PSD3: variants seen among roughly 807,000 people sequenced by gnomAD.
PSD3 encodes the protein PH and SEC7 domain-containing protein 3.
PSD3 carries 49 observed loss-of-function variants against 105.5 expected under a neutral mutation model. That is an observed-to-expected ratio of 0.46 (90% CI 0.37 to 0.59). The LOEUF (loss-of-function observed/expected upper bound fraction) is 0.59. Among genes scored for constraint, PSD3 ranks in the 20% least tolerant of loss-of-function variants. PSD3 has a pLI of 0.00. For synonymous variants in PSD3, 557 were observed against 457.8 expected (o/e 1.22, Z -2.77); for missense variants, 1,561 against 1,263.8 (o/e 1.24, Z -3.57).
chr8:18,788,763 C>A (rs1809425376), intron 8 of PSD3, among the ~76,000 whole-genome samples: 1 of 152,104 alleles, frequency 6.6e-6, no homozygotes, highest in African/African-American at 2.4e-5. Context: ...CAACATGTTA[C>A]AATAAATGGT....
chr8:18,890,451 C>A (rs562053972), intron 2 of PSD3, among the ~76,000 whole-genome samples: 17 of 151,950 alleles, frequency 1.1e-4, no homozygotes, highest in Admixed American at 9.8e-4. Flanking sequence ...CCAAGTGAGC[C>A]GAGAGGAGAG....
intron 9 of PSD3, among the ~76,000 whole-genome samples, chr8:18,671,695 G>C (rs945099058): frequency 2.0e-5 from 3 of 151,502 alleles, no homozygotes; most frequent in East Asian, 1.9e-4. Flanking sequence ...GGCAGTGCGC[G>C]ATCTCCGCTC....
intron 9 of PSD3, among the ~76,000 whole-genome samples, chr8:18,671,789 G>T (rs896366417): frequency 6.6e-5 from 10 of 151,978 alleles, no homozygotes; most frequent in Non-Finnish European, 1.3e-4. Context: ...CCGCCATGAC[G>T]TCCGGCTAAT....
At chr8:18,958,124 T>C (rs1461454093) in intron 1 of PSD3, among the ~76,000 whole-genome samples, 1 of 152,146 alleles carries the variant, frequency 6.6e-6, no homozygotes, top group African/African-American at 2.4e-5. Flanking sequence ...GCCTGGCTAA[T>C]ATACAAAAAT....
intron 11 of PSD3, among the ~76,000 whole-genome samples, chr8:18,603,706 C>T (rs1329988924): frequency 6.6e-6 from 1 of 152,128 alleles, no homozygotes; most frequent in Non-Finnish European, 1.5e-5. Context: ...TGGGTGGTTT[C>T]TCATGAATGG....
chr8:18,777,894 C>A (rs1273542070), intron 8 of PSD3, among the ~76,000 whole-genome samples: 1 of 152,114 alleles, frequency 6.6e-6, no homozygotes, highest in South Asian at 2.1e-4. Context: ...GGAGAGCATA[C>A]AATATGTGTC....
At chr8:18,633,397 C>T (rs1326024726) in intron 10 of PSD3, among the ~76,000 whole-genome samples, 1 of 152,046 alleles carries the variant, frequency 6.6e-6, no homozygotes, top group East Asian at 1.9e-4. Flanking sequence ...TGGCATGTGA[C>T]AGCTGCTACT....
chr8:18,693,834 T>C (rs1327087328), intron 9 of PSD3, among the ~76,000 whole-genome samples: 1 of 152,220 alleles, frequency 6.6e-6, no homozygotes, highest in Non-Finnish European at 1.5e-5. Context: ...AGATTCCTTT[T>C]TACTCTTAAG....
chr8:18,871,668 T>A lies in PSD3; in HGVS notation c.1196A>T (p.Gln399Leu). The A allele has an allele frequency of 6.2e-7, 1 of 1,613,246 alleles. No individual in the cohort carries two copies. Among genetic ancestry groups the A allele is most frequent in the African/African-American group, 1.3e-5 (1 of 75,020 alleles). ...EDEVFLQENK[Q>L]HLEKTPKPER... ...TGGTTTAGGTGTCTTCTCAAGATGC[T>A]GTTTGTTTTCCTGTAGGAAGACTTC... is the stretch of plus-strand genomic sequence containing the variant. Residue 399 changes from glutamine (Q) to leucine (L), a missense_variant, in exon 3 of 16, where the codon CAG (glutamine) becomes CTG (leucine). By Grantham distance (113) the Gln-to-Leu change is moderately radical (BLOSUM62 -2). Coordinates refer to ENST00000327040, the MANE Select transcript of PSD3 (RefSeq NM_015310.4).
In PSD3 at chr8:18,618,399, C is replaced by T. The variant is rs113885329; in HGVS notation, c.2410+14214G>A. Among the ~76,000 whole-genome samples the T allele has an allele frequency of 9.8e-3, 1,491 of 151,542 alleles. 36 individuals carry two copies. The highest frequency in any genetic ancestry group is 0.033 in the African/African-American group (1,372 of 41,500). On this transcript the variant is annotated intron_variant, in intron 11 of 15. Transcript: ENST00000327040. ...GAGGCTACGTCATGGGCCATGGTCACTTGTATCTGGCTCAGAATAAGCCTC... is the reference window on the plus strand; with the variant it reads ...GAGGCTACGTCATGGGCCATGGTCATTTGTATCTGGCTCAGAATAAGCCTC...
intron 4 of PSD3, among the ~76,000 whole-genome samples, chr8:18,851,603 C>T (rs748092739): frequency 8.5e-5 from 13 of 152,218 alleles, no homozygotes; most frequent in Admixed American, 3.9e-4. Context: ...CAAGCACATT[C>T]GGCTCTTGGT....
chr8:18,618,692 T>G (rs1014529223), intron 11 of PSD3, among the ~76,000 whole-genome samples: 1 of 151,986 alleles, frequency 6.6e-6, no homozygotes, highest in African/African-American at 2.4e-5. Flanking sequence ...TTTTTTTTTC[T>G]AATGGGATAT....
intron 2 of PSD3, among the ~76,000 whole-genome samples, chr8:18,922,863 G>A (rs1436533734): frequency 6.6e-6 from 1 of 152,158 alleles, no homozygotes; most frequent in Non-Finnish European, 1.5e-5. Flanking sequence ...GGCAAGGCAT[G>A]TGGGAGGGGG....
intron 11 of PSD3, among the ~76,000 whole-genome samples, chr8:18,610,330 C>T (rs1805162973): frequency 6.6e-6 from 1 of 152,182 alleles, no homozygotes; most frequent in South Asian, 2.1e-4. Context: ...GAGTCTTGGC[C>T]AATCCCAGTG....
chr8:18,862,892 CAAA>C (rs763451398), intron 4 of PSD3, among the ~76,000 whole-genome samples: 12 of 79,490 alleles, frequency 1.5e-4, no homozygotes, highest in Admixed American at 2.8e-4. Context: ...AAGAGCAAGG[CAAA>C]AAAAAAAAAA....
At chr8:18,701,148 T>TC (rs397710384) in intron 9 of PSD3, among the ~76,000 whole-genome samples, 5 of 150,486 alleles carry the variant, frequency 3.3e-5, no homozygotes, top group South Asian at 2.1e-4. Context: ...TTTTTTTTTT[T>TC]CTGTAGAGAC....
intron 4 of PSD3, among the ~76,000 whole-genome samples, chr8:18,847,113 G>C (rs1293399831): frequency 2.0e-5 from 3 of 152,078 alleles, no homozygotes; most frequent in African/African-American, 7.2e-5. Context: ...TTTCACTTCC[G>C]CTGCTGAGGC....
chr8:18,839,715 G>C (rs188219237), intron 4 of PSD3, among the ~76,000 whole-genome samples: 6 of 152,064 alleles, frequency 3.9e-5, no homozygotes, highest in Non-Finnish European at 7.3e-5. Flanking sequence ...TCAACTCCAC[G>C]TGGAACTCAA....
chr8:18,806,290 T>C (rs906484905), intron 4 of PSD3, among the ~76,000 whole-genome samples: 11 of 152,190 alleles, frequency 7.2e-5, no homozygotes, highest in African/African-American at 2.2e-4. Flanking sequence ...AAAACAAAAA[T>C]AGTGTTATAA....
Sources: gnomAD v4.1 joint callset for allele counts (sites outside exome capture counted in the v4.1 genomes callset) on GRCh38, gnomAD v4.1.1 for gene constraint, MANE v1.5 for transcripts, NCBI Gene and HGNC (gene_info 2026-07-23, HGNC 2026-07-21) for gene names.